RWDD2A: variants seen among roughly 807,000 people sequenced by gnomAD.
RWDD2A encodes the protein RWD domain containing 2A.
RWDD2A carries 15 observed loss-of-function variants against 23.1 expected under a neutral mutation model. The ratio of observed to expected loss-of-function variants is 0.65; its 90% CI spans 0.43 to 1.00. The LOEUF is 1.00. Ranked by LOEUF, RWDD2A falls within the 50% of genes least tolerant of loss-of-function variation. RWDD2A has a pLI of 0.00. For missense variants in RWDD2A, 310 were observed against 341.7 expected (o/e 0.91, Z 0.73); for synonymous variants, 103 against 123.0 (o/e 0.84, Z 1.08).
rs1296260109 is a variant in RWDD2A, at chr6:83,196,899, G to C, written c.*627G>C. The C allele has an allele frequency of 6.6e-6, 1 of 152,152 alleles. No individual in the cohort carries two copies. The highest frequency in any genetic ancestry group is 1.5e-5 in the Non-Finnish European group (1 of 68,056). 9.4% of individuals were successfully genotyped at this position (152,152 alleles called of 1,614,324 possible). On this transcript the variant is annotated 3_prime_UTR_variant, in exon 3 of 3. Transcript: ENST00000369724. ...GACAGGGTTTCATCATGTTGGCTAG[G>C]ATGGTCTCAATCTCTTAACCTCGTG...
chr6:83,195,824 C>T lies in RWDD2A; in HGVS notation c.431C>T (p.Pro144Leu), dbSNP rs767599568. 11 of 1,613,886 alleles carry T rather than the reference C, an allele frequency of 6.8e-6. No individual in the cohort carries two copies. The highest frequency in any genetic ancestry group is 9.3e-6 in the Non-Finnish European group (11 of 1,179,972). The change falls in exon 3 of 3, where the codon CCA becomes CTA. Residue 144 changes from proline to leucine, a missense_variant. Transcript: ENST00000369724. Reference protein sequence around the residue: ...YFLNRKLVYEPSTQAKPVKNT... With the variant: ...YFLNRKLVYELSTQAKPVKNT... ...CTGAACAGAAAGCTTGTATATGAACCATCTACACAAGCAAAGCCAGTCAAG... is the reference window on the plus strand; with the variant it reads ...CTGAACAGAAAGCTTGTATATGAACTATCTACACAAGCAAAGCCAGTCAAG...
chr6:83,197,625 C>T lies in RWDD2A; in HGVS notation c.*1353C>T, dbSNP rs772102250. On this transcript the variant is annotated 3_prime_UTR_variant, in exon 3 of 3. Transcript: ENST00000369724. ...GCATTCCATTCTCCTACTGGGTCCT[C>T]TCAAGATGCCAAAGCTTGGTGCTGG... 1.3e-5 allele frequency: 2 copies of T among 152,292 alleles called. No individual in the cohort carries two copies. The highest frequency in any genetic ancestry group is 2.9e-5 in the Non-Finnish European group (2 of 68,104). 9.4% of individuals were successfully genotyped at this position (152,292 alleles called of 1,614,324 possible).
rs751643559 is a variant in RWDD2A, at chr6:83,195,693, A to T, written c.300A>T (p.Leu100=). The change falls in exon 3 of 3, where the codon CTA becomes CTT. Residue 100 remains leucine (L), a synonymous_variant. Transcript: ENST00000369724. ...RSSELDRHQQ[L]LLNKGLTSYI... ...CTGAACTTGACAGACATCAGCAGCT[A>T]CTTCTCAACAAAGGTCTCACTTCTT... 1 of 1,614,188 alleles carries T rather than the reference A, an allele frequency of 6.2e-7. No individual in the cohort carries two copies. The highest frequency in any genetic ancestry group is 8.5e-7 in the Non-Finnish European group (1 of 1,180,038).
rs1789617142 is a variant in RWDD2A at position 83,197,116 on chromosome 6, T to G, written c.*844T>G. The G allele has an allele frequency of 6.6e-6, 1 of 152,246 alleles. No homozygotes were observed. Among genetic ancestry groups the G allele is most frequent in the Non-Finnish European group, 1.5e-5 (1 of 68,038 alleles). 9.4% of individuals were successfully genotyped at this position (152,246 alleles called of 1,614,324 possible). A position where few individuals can be genotyped will look rare whatever the true frequency, so the allele number is the denominator to read the frequency against. ...AAAGATGACACACAATGCTATGTGT[T>G]CTGGCTGTTTATATCAGTTCATGAT... On this transcript the variant is annotated 3_prime_UTR_variant, in exon 3 of 3. Coordinates refer to ENST00000369724, the MANE Select transcript of RWDD2A (RefSeq NM_033411.5).
In RWDD2A at chr6:83,198,754, A is replaced by C. The variant is rs955095515; in HGVS notation, c.*2482A>C. ...CTCAGCTGTTTGGCATTTCCTTTGA[A>C]TGACCCAGCATCTTCCCTTTTGTTG... is the stretch of plus-strand genomic sequence containing the variant. On this transcript the variant is annotated 3_prime_UTR_variant, in exon 3 of 3. Transcript: ENST00000369724. The C allele has an allele frequency of 6.6e-6, 1 of 152,168 alleles. No homozygotes were observed. Among genetic ancestry groups the C allele is most frequent in the African/African-American group, 2.4e-5 (1 of 41,430 alleles). The allele number at this position is 152,168 out of a possible 1,614,324, so 9.4% of individuals were successfully genotyped here.
At position 83,198,019 on chromosome 6, in the gene RWDD2A, A is replaced by C. The variant is rs1038977535; in HGVS notation, c.*1747A>C. The C allele has an allele frequency of 2.0e-5, 3 of 152,204 alleles. No individual in the cohort carries two copies. The highest frequency in any genetic ancestry group is 7.2e-5 in the African/African-American group (3 of 41,446). 9.4% of individuals were successfully genotyped at this position (152,204 alleles called of 1,614,324 possible). Reference sequence around the variant, plus strand: ...GGAGCCTGACACTTTGCCTATATGCAAAGGGAAGAAATAGGACTTACATTG... The same window carrying C: ...GGAGCCTGACACTTTGCCTATATGCCAAGGGAAGAAATAGGACTTACATTG... On this transcript the variant is annotated 3_prime_UTR_variant, in exon 3 of 3. Coordinates refer to ENST00000369724, the MANE Select transcript of RWDD2A (RefSeq NM_033411.5).
At position 83,194,530 on chromosome 6, in the gene RWDD2A, G is replaced by A. The variant is rs1789474080; in HGVS notation, c.79G>A (p.Gly27Arg). 2 of 1,613,944 alleles carry A rather than the reference G, an allele frequency of 1.2e-6. No individual in the cohort carries two copies. ...GCTGTTTTCTATGTTTCCTAACCAA[G>A]GAGAAGTAAAACTTGAAGATGTAAA... ...EMLFSMFPNQ[G>R]EVKLEDVNAL... is the part of the protein sequence containing the mutation. The change falls in exon 2 of 3, where the codon GGA becomes AGA. Residue 27 changes from glycine to arginine, a missense_variant. Physicochemically the swap from Gly to Arg is moderately radical, Grantham distance 125 (BLOSUM62 -2). Transcript: ENST00000369724.
At position 83,198,864 on chromosome 6, in the gene RWDD2A, A is replaced by G. The variant is rs117617524; in HGVS notation, c.*2592A>G. On this transcript the variant is annotated 3_prime_UTR_variant, in exon 3 of 3. Transcript: ENST00000369724. ...TATATTCTTAAATGGTTATTTGGAA[A>G]ATGTGCTCATTTATAAAAGTTACAG... 1.3e-5 allele frequency: 2 copies of G among 152,350 alleles called. No individual in the cohort carries two copies. Among genetic ancestry groups the G allele is most frequent in the Non-Finnish European group, 2.9e-5 (2 of 68,044 alleles). The allele number at this position is 152,350 out of a possible 1,614,324, so 9.4% of individuals were successfully genotyped here. A position where few individuals can be genotyped will look rare whatever the true frequency, so the allele number is the denominator to read the frequency against.
Position 83,198,345 on chromosome 6 carries a change from C to T in RWDD2A, c.*2073C>T, listed in dbSNP as rs1789671605. On this transcript the variant is annotated 3_prime_UTR_variant, in exon 3 of 3. Coordinates refer to ENST00000369724, the MANE Select transcript of RWDD2A (RefSeq NM_033411.5). ...AGCTATTTCTGAGATTTTTCAGAAC[C>T]TACTTTTTTATAAATAAGTCTAATT... 6.6e-6 allele frequency: 1 copy of T among 152,090 alleles called. No individual in the cohort carries two copies. The highest frequency in any genetic ancestry group is 1.5e-5 in the Non-Finnish European group (1 of 68,014). 9.4% of individuals were successfully genotyped at this position (152,090 alleles called of 1,614,324 possible).
Position 83,195,909 on chromosome 6 carries a change from A to G in RWDD2A, c.516A>G (p.Lys172=). 1 of 1,614,228 alleles carries G rather than the reference A, an allele frequency of 6.2e-7. No homozygotes were observed. Among genetic ancestry groups the G allele is most frequent in the Non-Finnish European group, 8.5e-7 (1 of 1,180,042 alleles). ...ATATATATCAGCAGGACCTAAGGAAAAAGATTTTGGATGTTGGGAAAAGGT... is the reference window on the plus strand; with the variant it reads ...ATATATATCAGCAGGACCTAAGGAAGAAGATTTTGGATGTTGGGAAAAGGT... ...SHHIYQQDLR[K]KILDVGKRLD... The change falls in exon 3 of 3, where the codon AAA becomes AAG. Residue 172 remains lysine (K), a synonymous_variant. Transcript: ENST00000369724.
intron 1 of RWDD2A, 65 bp from the exon 2 acceptor site, chr6:83,194,247 T>A (rs1789448216): frequency 1.8e-6 from 1 of 559,840 alleles, no homozygotes; most frequent in African/African-American, 1.9e-5. Flanking sequence ...TAGAGGATGT[T>A]GTGCATACTA....
rs1409397073 is a variant in RWDD2A at position 83,197,436 on chromosome 6, G to A, written c.*1164G>A. ...TTTCAAAATGAGAGTTTATTTTAATGATTAAAAACCGCTATTTAAGTAGCT... is the reference window on the plus strand; with the variant it reads ...TTTCAAAATGAGAGTTTATTTTAATAATTAAAAACCGCTATTTAAGTAGCT... On this transcript the variant is annotated 3_prime_UTR_variant, in exon 3 of 3. Coordinates refer to ENST00000369724, the MANE Select transcript of RWDD2A (RefSeq NM_033411.5). The A allele has an allele frequency of 6.6e-6, 1 of 152,178 alleles. No homozygotes were observed. The highest frequency in any genetic ancestry group is 1.5e-5 in the Non-Finnish European group (1 of 68,030). 9.4% of individuals were successfully genotyped at this position (152,178 alleles called of 1,614,324 possible). A position where few individuals can be genotyped will look rare whatever the true frequency, so the allele number is the denominator to read the frequency against.
Position 83,195,740 on chromosome 6 carries a change from G to A in RWDD2A, c.347G>A (p.Gly116Asp), listed in dbSNP as rs768233288. The A allele has an allele frequency of 6.6e-5, 106 of 1,614,024 alleles. No individual in the cohort carries two copies. The highest frequency in any genetic ancestry group is 8.7e-5 in the Non-Finnish European group (103 of 1,180,040). Residue 116 changes from glycine to aspartate, a missense_variant, in exon 3 of 3, where the codon GGT (glycine) becomes GAT (aspartate). Physicochemically the swap from Gly to Asp is moderately conservative, Grantham distance 94. Transcript: ENST00000369724. ...TCTTACATAGGGACTTTTGATCCAG[G>A]TGAGCTCTGTGTATGTGCAGCAATC... ...LTSYIGTFDPGELCVCAAIQW... is the reference protein window; with the variant it reads ...LTSYIGTFDPDELCVCAAIQW...
chr6:83,195,526 G>A, intron 2 of RWDD2A, 69 bp from the exon 3 acceptor site: 2 of 1,268,640 alleles, frequency 1.6e-6, no homozygotes, highest in South Asian at 1.4e-5. Context: ...TCAAAATCAT[G>A]CAGTTGCTAT....
intron 2 of RWDD2A, 54 bp downstream of exon 2, chr6:83,194,706 C>CTAGA (rs1197826133): frequency 1.6e-6 from 2 of 1,284,122 alleles, no homozygotes; most frequent in African/African-American, 3.0e-5. Flanking sequence ...ATTGAAACAT[C>CTAGA]TAGAACATGA....
chr6:83,195,743 AGCTCTGTGTATGT>A lies in RWDD2A; in HGVS notation c.353_365del (p.Leu118GlnfsTer15). The A allele has an allele frequency of 6.2e-7, 1 of 1,614,210 alleles. No individual in the cohort carries two copies. Among genetic ancestry groups the A allele is most frequent in the East Asian group, 2.2e-5 (1 of 44,874 alleles). ...TACATAGGGACTTTTGATCCAGGTGAGCTCTGTGTATGTGCAGCAATCCAGTGGCTACAGGACA... is the reference window on the plus strand; with the variant it reads ...TACATAGGGACTTTTGATCCAGGTGAGCAGCAATCCAGTGGCTACAGGACA... On this transcript the variant is annotated frameshift_variant, in exon 3 of 3. Transcript: ENST00000369724. LOFTEE classifies it high-confidence loss of function.
chr6:83,195,800 T>A lies in RWDD2A; in HGVS notation c.407T>A (p.Leu136Gln). The change falls in exon 3 of 3, where the codon CTG (leucine) becomes CAG (glutamine). Residue 136 changes from leucine (L) to glutamine (Q), a missense_variant. By Grantham distance (113) the Leu-to-Gln change is moderately radical. Transcript: ENST00000369724. ...WLQDNSASYF[L>Q]NRKLVYEPST... ...CAGGACAACAGTGCATCTTATTTCC[T>A]GAACAGAAAGCTTGTATATGAACCA... is the stretch of plus-strand genomic sequence containing the variant. 1.2e-6 allele frequency: 2 copies of A among 1,614,128 alleles called. No homozygotes were observed. The highest frequency in any genetic ancestry group is 3.3e-4 in the Middle Eastern group (2 of 6,062).
chr6:83,197,486 GTC>G lies in RWDD2A; in HGVS notation c.*1217_*1218del, dbSNP rs1352866302. ...TCTTGCCAAGCCTTTTCATTACCAG[GTC>G]TCCATCCCTCCCCAAGTATTTCTGC... On this transcript the variant is annotated 3_prime_UTR_variant, in exon 3 of 3. Coordinates refer to ENST00000369724, the MANE Select transcript of RWDD2A (RefSeq NM_033411.5). 6.6e-6 allele frequency: 1 copy of G among 152,080 alleles called. No homozygotes were observed. The highest frequency in any genetic ancestry group is 2.4e-5 in the African/African-American group (1 of 41,412). The allele number at this position is 152,080 out of a possible 1,614,324, so 9.4% of individuals were successfully genotyped here. A position where few individuals can be genotyped will look rare whatever the true frequency, so the allele number is the denominator to read the frequency against.
At chr6:83,195,570 A>T in intron 2 of RWDD2A, 25 bp from the exon 3 acceptor site, 1 of 1,587,634 alleles carries the variant, frequency 6.3e-7, no homozygotes, top group South Asian at 1.1e-5. Context: ...TATGGTATTT[A>T]AATCTATTTG....
Sources: allele counts gnomAD v4.1 joint callset, GRCh38; gene constraint gnomAD v4.1.1; transcripts MANE v1.5; gene names NCBI Gene and HGNC (gene_info 2026-07-23, HGNC 2026-07-21).